The following PYGL variants were observed in gnomAD, a reference collection of about 807,000 sequenced individuals.
The protein encoded by PYGL is glycogen phosphorylase L.
Under a neutral mutation model 100.1 loss-of-function variants are expected in PYGL, and 90 were observed. The ratio of observed to expected loss-of-function variants is 0.90; its 90% CI spans 0.76 to 1.07. The LOEUF is 1.07. Ranked by LOEUF, PYGL falls within the 50% of genes least tolerant of loss-of-function variation. The pLI is 0.00. For synonymous variants in PYGL, 373 were observed against 393.0 expected (o/e 0.95, Z 0.60); for missense variants, 1,016 against 1,057.6 (o/e 0.96, Z 0.55).
intron 3 of PYGL, among the ~76,000 whole-genome samples, chr14:50,934,311 C>A (rs1289173293): frequency 6.6e-6 from 1 of 152,132 alleles, no homozygotes; most frequent in Admixed American, 6.5e-5. Flanking sequence ...GGTTGACCAA[C>A]TGGGGTCATG....
rs936236068 is a variant in PYGL at position 50,935,088 on chromosome 14, C to A, written c.424+19G>T. 1.3e-6 allele frequency: 2 copies of A among 1,587,706 alleles called. No homozygotes were observed. Among genetic ancestry groups the A allele is most frequent in the Non-Finnish European group, 1.7e-6 (2 of 1,156,100 alleles). On this transcript the variant is annotated intron_variant, in intron 3 of 19. Transcript: ENST00000216392. ...CTTCAATCGGCCAGACAATATAATA[C>A]ACTCACAATGTCACTTACCAGCAAG... is the stretch of plus-strand genomic sequence containing the variant.
intron 4 of PYGL, among the ~76,000 whole-genome samples, chr14:50,926,574 A>G (rs948247888): frequency 2.6e-5 from 4 of 151,070 alleles, no homozygotes; most frequent in Non-Finnish European, 5.9e-5. Context: ...AAAAATATGA[A>G]AATTAGCCGG....
intron 11 of PYGL, 75 bp from the exon 12 acceptor site, chr14:50,914,890 G>A: frequency 8.6e-7 from 1 of 1,162,768 alleles, no homozygotes; most frequent in East Asian, 2.3e-5. Flanking sequence ...AAAGTTCGGA[G>A]TTATATTCAA....
intron 7 of PYGL, among the ~76,000 whole-genome samples, chr14:50,918,646 A>ATGATG (rs2050474554): frequency 6.6e-6 from 1 of 152,220 alleles, no homozygotes; most frequent in South Asian, 2.1e-4. Flanking sequence ...AGGCATGAGA[A>ATGATG]TGATGTAACG....
At chr14:50,941,747 ATGCACCTGT>A (rs2050703824) in intron 1 of PYGL, among the ~76,000 whole-genome samples, 1 of 152,136 alleles carries the variant, frequency 6.6e-6, no homozygotes, top group African/African-American at 2.4e-5. Context: ...GCATGGTGGC[ATGCACCTGT>A]AATCCCAGCT....
chr14:50,935,001 C>A (rs763599961), intron 3 of PYGL, 106 bp downstream of exon 3: 6 of 1,035,518 alleles, frequency 5.8e-6, no homozygotes, highest in Admixed American at 3.5e-5. Context: ...TCATACCTTG[C>A]GCTTCTTCTA....
At position 50,912,192 on chromosome 14, in the gene PYGL, G is replaced by A; in HGVS notation, c.1732C>T (p.Leu578Phe). 1 of 1,614,186 alleles carries A rather than the reference G, an allele frequency of 6.2e-7. No homozygotes were observed. Among genetic ancestry groups the A allele is most frequent in the Non-Finnish European group, 8.5e-7 (1 of 1,180,040 alleles). ...GTGATCACATGCAGACAGTTCAAGA[G>A]CTGTCGCTTGTACTCATGTATCCTC... ...VKRIHEYKRQ[L>F]LNCLHVITMY... The change falls in exon 14 of 20, where the codon CTC (leucine) becomes TTC (phenylalanine). Residue 578 changes from leucine to phenylalanine, a missense_variant. Leu to Phe is a conservative substitution (Grantham distance 22, BLOSUM62 0). Transcript: ENST00000216392.
At chr14:50,924,594 C>T (rs2050530565) in intron 4 of PYGL, among the ~76,000 whole-genome samples, 1 of 152,210 alleles carries the variant, frequency 6.6e-6, no homozygotes, top group Non-Finnish European at 1.5e-5. Flanking sequence ...GAAAATGCTA[C>T]TTACAGAACA....
chr14:50,914,038 C>T (rs1416059648), intron 12 of PYGL, among the ~76,000 whole-genome samples: 3 of 152,160 alleles, frequency 2.0e-5, no homozygotes, highest in Non-Finnish European at 4.4e-5. Context: ...AACAGGAAAT[C>T]TACTTATAAG....
chr14:50,920,987 A>G lies in PYGL; in HGVS notation c.741T>C (p.Ala247=). Residue 247 remains alanine, a synonymous_variant, in exon 6 of 20, where the codon GCT becomes GCC. Transcript: ENST00000216392. ...TGAGGTTAAAGTCATTTGGTGCCCG[A>G]GCAGACCAGAGGCGCATGGTGTTGA... ...NTVNTMRLWS[A]RAPNDFNLRD... 6.2e-7 allele frequency: 1 copy of G among 1,614,204 alleles called. No individual in the cohort carries two copies. The highest frequency in any genetic ancestry group is 8.5e-7 in the Non-Finnish European group (1 of 1,180,014).
At chr14:50,936,410 G>T (rs1158101634) in intron 2 of PYGL, among the ~76,000 whole-genome samples, 2 of 152,138 alleles carry the variant, frequency 1.3e-5, no homozygotes, top group Non-Finnish European at 2.9e-5. Context: ...GTGTTAAAGG[G>T]CCTTTCAAAT....
Position 50,930,230 on chromosome 14 carries a change from A to C in PYGL, c.528+1443T>G, listed in dbSNP as rs532258337. Among the ~76,000 whole-genome samples, 8 of 152,224 alleles carry C rather than the reference A, an allele frequency of 5.3e-5. No homozygotes were observed. The South Asian group carries it at 1.7e-3, about 31-fold the overall frequency. ...ATTAGCATTTTATTGTGTGCTTACT[A>C]ATATTAGCATTTTATTGTGTGCCAG... On this transcript the variant is annotated intron_variant, in intron 4 of 19. Coordinates refer to ENST00000216392, the MANE Select transcript of PYGL (RefSeq NM_002863.5).
Position 50,942,482 on chromosome 14 carries a change from C to T in PYGL, c.243+1679G>A, listed in dbSNP as rs1443335910. 1.4e-5 allele frequency among the ~76,000 whole-genome samples: 2 copies of T among 140,212 alleles called. 1 individual carries two copies. The highest frequency in any genetic ancestry group is 3.1e-5 in the Non-Finnish European group (2 of 63,696). 92.0% of individuals were successfully genotyped at this position (140,212 alleles called of 152,430 possible). A position where few individuals can be genotyped will look rare whatever the true frequency, so the allele number is the denominator to read the frequency against. On this transcript the variant is annotated intron_variant, in intron 1 of 19. Coordinates refer to ENST00000216392, the MANE Select transcript of PYGL (RefSeq NM_002863.5). ...GTTAAAAATAATTTTTAATGAGAGG[C>T]GCAGTATGGTGTACTTAGTAGCATT... is the stretch of plus-strand genomic sequence containing the variant.
chr14:50,915,323 A>C lies in PYGL; in HGVS notation c.1403+13T>G, dbSNP rs763146963. ...TCAGTGTCAGACCCACTGCCAGAGT[A>C]ATGGAGGCTCACACTTTAGTCTTCA... On this transcript the variant is annotated intron_variant, in intron 11 of 19. Transcript: ENST00000216392. 1 of 1,613,870 alleles carries C rather than the reference A, an allele frequency of 6.2e-7. No individual in the cohort carries two copies. The highest frequency in any genetic ancestry group is 8.5e-7 in the Non-Finnish European group (1 of 1,179,750).
At chr14:50,943,728 C>T (rs144707589) in intron 1 of PYGL, among the ~76,000 whole-genome samples, 33 of 152,362 alleles carry the variant, frequency 2.2e-4, no homozygotes, top group Middle Eastern at 3.4e-3. Flanking sequence ...TCCAGCAAGG[C>T]AAGATTTTTG....
rs758956687 is a variant in PYGL, at chr14:50,917,008, C to T, written c.953G>A (p.Gly318Asp). The T allele has an allele frequency of 1.2e-6, 2 of 1,614,174 alleles. No homozygotes were observed. Among genetic ancestry groups the T allele is most frequent in the South Asian group, 2.2e-5 (2 of 91,084 alleles). ...CACAGTTCCTGCACCACGGGTGGAG[C>T]CAAACTTGGAGGCTTTGAAACGGCG... ...IIRRFKASKFGSTRGAGTVFD... is the reference protein window; with the variant it reads ...IIRRFKASKFDSTRGAGTVFD... The change falls in exon 8 of 20, where the codon GGC becomes GAC. Residue 318 changes from glycine to aspartate, a missense_variant. Gly to Asp is a moderately conservative substitution (Grantham distance 94). Coordinates refer to ENST00000216392, the MANE Select transcript of PYGL (RefSeq NM_002863.5).
rs753948021 is a variant in PYGL, at chr14:50,905,590, C to T, written c.2380-34G>A. The T allele has an allele frequency of 1.9e-6, 3 of 1,606,974 alleles. No homozygotes were observed. In the East Asian group the frequency reaches 6.7e-5, roughly 36 times the overall value. The stretch of plus-strand genomic sequence containing the variant: ...AACATATGCATATACAGCCCAGAGT[C>T]CCAGTGCGCAGTGAGCTTTATAATA... On this transcript the variant is annotated intron_variant, in intron 19 of 19. Transcript: ENST00000216392.
At chr14:50,939,384 A>G (rs1234425520) in intron 1 of PYGL, among the ~76,000 whole-genome samples, 1 of 152,226 alleles carries the variant, frequency 6.6e-6, no homozygotes, top group Non-Finnish European at 1.5e-5. Context: ...ATTTACTGGC[A>G]AGTTCCTTAT....
At chr14:50,934,314 G>A (rs2050632253) in intron 3 of PYGL, among the ~76,000 whole-genome samples, 1 of 152,036 alleles carries the variant, frequency 6.6e-6, no homozygotes, top group Admixed American at 6.6e-5. Context: ...TGACCAACTG[G>A]GGTCATGCCT....
Sources: gnomAD v4.1 joint callset for allele counts (sites outside exome capture counted in the v4.1 genomes callset) on GRCh38, gnomAD v4.1.1 for gene constraint, MANE v1.5 for transcripts, NCBI Gene and HGNC (gene_info 2026-07-23, HGNC 2026-07-21) for gene names.